Variants in ATP8A2 observed in about 807,000 individuals in gnomAD.
The protein encoded by ATP8A2 is ATPase phospholipid transporting 8A2, also known as phospholipid-transporting ATPase IB.
ATP8A2 carries 100 observed loss-of-function variants against 165.6 expected under a neutral mutation model. That is an observed-to-expected ratio of 0.60 (90% confidence interval 0.51 to 0.71). The LOEUF (loss-of-function observed/expected upper bound fraction) is 0.71. Among genes scored for constraint, ATP8A2 ranks in the 30% least tolerant of loss-of-function variants. The pLI is 0.00. For synonymous variants in ATP8A2, 543 were observed against 548.8 expected (o/e 0.99, Z 0.15); for missense variants, 1,227 against 1,479.5 (o/e 0.83, Z 2.80).
At chr13:25,441,072 G>C (rs758135668) in intron 1 of ATP8A2, among the ~76,000 whole-genome samples, 1 of 152,132 alleles carries the variant, frequency 6.6e-6, no homozygotes, top group Non-Finnish European at 1.5e-5. Flanking sequence ...CCTGATTGGG[G>C]ATCAGGATGT....
At chr13:25,477,470 T>C (rs973604316) in intron 2 of ATP8A2, among the ~76,000 whole-genome samples, 2 of 152,072 alleles carry the variant, frequency 1.3e-5, no homozygotes, top group African/African-American at 2.4e-5. Flanking sequence ...AGAAAAGACA[T>C]TGGTGGAAAA....
chr13:25,815,250 G>A (rs1477044443), intron 27 of ATP8A2, among the ~76,000 whole-genome samples: 4 of 152,124 alleles, frequency 2.6e-5, no homozygotes, highest in Admixed American at 2.6e-4. Context: ...TCTATCAACA[G>A]AGTGAAAAGG....
At chr13:25,980,018 G>A (rs1425915337) in intron 35 of ATP8A2, among the ~76,000 whole-genome samples, 1 of 152,126 alleles carries the variant, frequency 6.6e-6, no homozygotes, top group East Asian at 1.9e-4. Flanking sequence ...AAAGACCCAG[G>A]GAAAACCGTA....
intron 18 of ATP8A2, among the ~76,000 whole-genome samples, chr13:25,572,385 C>T (rs963779668): frequency 2.0e-5 from 3 of 152,176 alleles, no homozygotes; most frequent in South Asian, 2.1e-4. Flanking sequence ...GTGGTCCACC[C>T]GCCTTGGCCT....
chr13:25,433,349 T>C lies in ATP8A2; in HGVS notation c.77-35628T>C, dbSNP rs2034667297. 5.3e-5 allele frequency among the ~76,000 whole-genome samples: 8 copies of C among 152,216 alleles called. No homozygotes were observed. The South Asian group carries it at 1.7e-3, about 32-fold the overall frequency. Reference sequence around the variant, plus strand: ...GTGCAGTGGTGTGATCATAGCTCACTGCAGCCTTGAATTCCTGGGCTCAAC... The same window carrying C: ...GTGCAGTGGTGTGATCATAGCTCACCGCAGCCTTGAATTCCTGGGCTCAAC... On this transcript the variant is annotated intron_variant, in intron 1 of 36. Transcript: ENST00000381655.
chr13:25,762,791 A>C (rs1231671780), intron 25 of ATP8A2, among the ~76,000 whole-genome samples: 1 of 152,218 alleles, frequency 6.6e-6, no homozygotes, highest in Non-Finnish European at 1.5e-5. Context: ...GTTAGAGAGA[A>C]AAACATATTC....
At chr13:25,659,632 G>A (rs1252989112) in intron 24 of ATP8A2, among the ~76,000 whole-genome samples, 1 of 152,210 alleles carries the variant, frequency 6.6e-6, no homozygotes, top group African/African-American at 2.4e-5. Context: ...CGAGAGAAAA[G>A]CGTTCGTAGT....
At chr13:25,822,172 T>G (rs575967150) in intron 27 of ATP8A2, among the ~76,000 whole-genome samples, 1 of 152,304 alleles carries the variant, frequency 6.6e-6, no homozygotes, top group East Asian at 1.9e-4. Flanking sequence ...TACTTAGAGT[T>G]CATTACAGGA....
chr13:25,866,799 A>G (rs571852005), intron 33 of ATP8A2, among the ~76,000 whole-genome samples: 1 of 152,158 alleles, frequency 6.6e-6, no homozygotes, highest in African/African-American at 2.4e-5. Context: ...ATATGACTCT[A>G]TTAGAATGTT....
chr13:25,539,090 T>TGC (rs1276464852), intron 7 of ATP8A2, among the ~76,000 whole-genome samples: 5 of 150,886 alleles, frequency 3.3e-5, no homozygotes, highest in Admixed American at 6.6e-5. Flanking sequence ...TGTGTGTGTG[T>TGC]GTGTGTGTGT....
intron 2 of ATP8A2, among the ~76,000 whole-genome samples, chr13:25,477,755 G>C (rs2137561566): frequency 6.6e-6 from 1 of 152,270 alleles, no homozygotes; most frequent in Admixed American, 6.5e-5. Context: ...TGGTGAACAT[G>C]GTGAAACCCC....
At chr13:25,817,435 A>G (rs1293082486) in intron 27 of ATP8A2, among the ~76,000 whole-genome samples, 1 of 152,138 alleles carries the variant, frequency 6.6e-6, no homozygotes, top group East Asian at 1.9e-4. Context: ...GACATTTTAT[A>G]ACGCTGAGAA....
intron 1 of ATP8A2, among the ~76,000 whole-genome samples, chr13:25,386,545 AGAAT>A (rs2033052070): frequency 6.6e-6 from 1 of 152,192 alleles, no homozygotes; most frequent in Admixed American, 6.5e-5. Context: ...CTTCTCTCTA[AGAAT>A]GAAAGCTATG....
chr13:25,534,452 A>G (rs946138667), intron 6 of ATP8A2, among the ~76,000 whole-genome samples: 1 of 152,182 alleles, frequency 6.6e-6, no homozygotes, highest in Non-Finnish European at 1.5e-5. Context: ...CCAGAAAGGT[A>G]TCAGTATCAG....
At chr13:25,588,088 C>T (rs2039972865) in intron 23 of ATP8A2, among the ~76,000 whole-genome samples, 1 of 152,062 alleles carries the variant, frequency 6.6e-6, no homozygotes, top group African/African-American at 2.4e-5. Flanking sequence ...AATCTGATTC[C>T]CTTGAGATAA....
chr13:25,644,732 T>C (rs1473626277), intron 24 of ATP8A2, among the ~76,000 whole-genome samples: 1 of 152,200 alleles, frequency 6.6e-6, no homozygotes, highest in East Asian at 1.9e-4. Flanking sequence ...ATCTCCTCAC[T>C]TGTTAGTGGT....
At chr13:25,707,798 T>G (rs2043082989) in intron 25 of ATP8A2, among the ~76,000 whole-genome samples, 1 of 152,244 alleles carries the variant, frequency 6.6e-6, no homozygotes, top group Non-Finnish European at 1.5e-5. Flanking sequence ...CTGATTTACA[T>G]GGCACAAGTT....
intron 24 of ATP8A2, among the ~76,000 whole-genome samples, chr13:25,591,795 A>T (rs977263573): frequency 1.3e-5 from 2 of 152,078 alleles, no homozygotes; most frequent in African/African-American, 4.8e-5. Context: ...GTTGGCCAGG[A>T]TGGTCTCAAT....
intron 1 of ATP8A2, among the ~76,000 whole-genome samples, chr13:25,453,702 C>T (rs576120019): frequency 3.3e-4 from 51 of 152,266 alleles, no homozygotes; most frequent in Admixed American, 2.9e-3. Flanking sequence ...GAAAGACTAA[C>T]GTTCTATAAG....
Sources: allele counts gnomAD v4.1 joint callset (sites outside exome capture counted in the v4.1 genomes callset), GRCh38; gene constraint gnomAD v4.1.1; transcripts MANE v1.5; gene names NCBI Gene and HGNC (gene_info 2026-07-23, HGNC 2026-07-21).